DLGAP5: variants seen among roughly 807,000 people sequenced by gnomAD.
DLGAP5 encodes disks large-associated protein 5.
A neutral mutation model predicts 99.6 loss-of-function variants in DLGAP5; 90 were observed. The observed-to-expected ratio is 0.90, with a 90% CI of 0.76 to 1.08. DLGAP5 has a LOEUF of 1.08. Among genes scored for constraint, DLGAP5 ranks in the 50% least tolerant of loss-of-function variants. DLGAP5 has a pLI of 0.00. For synonymous variants in DLGAP5, 311 were observed against 321.3 expected (o/e 0.97, Z 0.34); for missense variants, 1,036 against 983.5 (o/e 1.05, Z -0.71).
intron 7 of DLGAP5, 90 bp from the exon 8 acceptor site, chr14:55,177,426 G>T (rs1474615657): frequency 4.2e-6 from 5 of 1,186,680 alleles, no homozygotes; most frequent in Non-Finnish European, 5.8e-6. Context: ...TATGACAACA[G>T]AAATATATGT....
chr14:55,163,358 C>A (rs1007190246), intron 12 of DLGAP5, among the ~76,000 whole-genome samples: 1 of 152,112 alleles, frequency 6.6e-6, no homozygotes, highest in Non-Finnish European at 1.5e-5. Context: ...AAAAGATATC[C>A]TAAATGTTGT....
rs956789150 is a variant in DLGAP5, at chr14:55,191,471, C to A, written c.-10G>T. ...CTCCAGCACCCACCTACCTGAGCCACCTTCTAGCGTGAAACCTCAACCAAA... is the reference window on the plus strand; with the variant it reads ...CTCCAGCACCCACCTACCTGAGCCAACTTCTAGCGTGAAACCTCAACCAAA... On this transcript the variant is annotated 5_prime_UTR_variant, in exon 1 of 19. Transcript: ENST00000247191. 3 of 153,250 alleles carry A rather than the reference C, an allele frequency of 2.0e-5. No homozygotes were observed. The highest frequency in any genetic ancestry group is 7.2e-5 in the African/African-American group (3 of 41,418). The allele number at this position is 153,250 out of a possible 1,614,324, so 9.5% of individuals were successfully genotyped here.
intron 15 of DLGAP5, among the ~76,000 whole-genome samples, chr14:55,153,782 G>C (rs1039677701): frequency 6.6e-6 from 1 of 152,104 alleles, no homozygotes; most frequent in Non-Finnish European, 1.5e-5. Flanking sequence ...AGTAGGCCGG[G>C]CATGGTGGCT....
chr14:55,190,293 C>T (rs1594688520), intron 1 of DLGAP5, among the ~76,000 whole-genome samples: 1 of 151,416 alleles, frequency 6.6e-6, no homozygotes, highest in Non-Finnish European at 1.5e-5. Context: ...AAGCCATACA[C>T]ACACACACAC....
Position 55,148,239 on chromosome 14 carries a change from CATT to C in DLGAP5, c.*109_*111del. ...CTTTGATGAACACAGAATATTAAAACATTATATGCTATAGAAGTGAACACAAAT... is the reference window on the plus strand; with the variant it reads ...CTTTGATGAACACAGAATATTAAAACATATGCTATAGAAGTGAACACAAAT... On this transcript the variant is annotated 3_prime_UTR_variant, in exon 19 of 19. Coordinates refer to ENST00000247191, the MANE Select transcript of DLGAP5 (RefSeq NM_014750.5). 1.9e-6 allele frequency: 2 copies of C among 1,071,228 alleles called. No homozygotes were observed. The highest frequency in any genetic ancestry group is 2.7e-6 in the Non-Finnish European group (2 of 748,320). 66.4% of individuals were successfully genotyped at this position (1,071,228 alleles called of 1,614,324 possible). A position where few individuals can be genotyped will look rare whatever the true frequency, so the allele number is the denominator to read the frequency against.
chr14:55,169,495 C>G lies in DLGAP5; in HGVS notation c.1452G>C (p.Gln484His). 3 of 1,613,070 alleles carry G rather than the reference C, an allele frequency of 1.9e-6. No homozygotes were observed. The highest frequency in any genetic ancestry group is 2.5e-6 in the Non-Finnish European group (3 of 1,179,684). ...CACAATCATCAACCAGTCCTTCAAACTGTTTAAACCTTTCCTTCATAAGGA... is the reference window on the plus strand; with the variant it reads ...CACAATCATCAACCAGTCCTTCAAAGTGTTTAAACCTTTCCTTCATAAGGA... ...TRLLMKERFK[Q>H]FEGLVDDCEY... Residue 484 changes from glutamine to histidine, a missense_variant, in exon 12 of 19, where the codon CAG becomes CAC. Gln to His is a conservative substitution (Grantham distance 24). Transcript: ENST00000247191.
At position 55,188,952 on chromosome 14, in the gene DLGAP5, A is replaced by C. The variant is rs768297620; in HGVS notation, c.228T>G (p.Asn76Lys). The change falls in exon 2 of 19, where the codon AAT becomes AAG. Residue 76 changes from asparagine to lysine, a missense_variant. Asn to Lys is a moderately conservative substitution (Grantham distance 94). Coordinates refer to ENST00000247191, the MANE Select transcript of DLGAP5 (RefSeq NM_014750.5). ...CAGACCTTTACTTACTTGGCTTAAC[A>C]TTGGTCTTTTCTGGAACAAGCCCTT... ...TSQGLVPEKT[N>K]VKPRAMKTIL... The C allele has an allele frequency of 1.2e-6, 2 of 1,612,614 alleles. No individual in the cohort carries two copies. The highest frequency in any genetic ancestry group is 2.7e-5 in the African/African-American group (2 of 74,744).
intron 10 of DLGAP5, among the ~76,000 whole-genome samples, chr14:55,171,953 G>A (rs1288845814): frequency 6.6e-6 from 1 of 152,124 alleles, no homozygotes. Flanking sequence ...CAGGGGCTAG[G>A]AGGGAATGGC....
At chr14:55,184,087 AG>A (rs1883357722) in intron 2 of DLGAP5, among the ~76,000 whole-genome samples, 1 of 152,008 alleles carries the variant, frequency 6.6e-6, no homozygotes, top group Admixed American at 6.6e-5. Flanking sequence ...CAGGAGATGG[AG>A]GTTGCAGTGA....
At chr14:55,175,851 T>G (rs753092456) in intron 9 of DLGAP5, 43 bp downstream of exon 9, 1 of 1,463,706 alleles carries the variant, frequency 6.8e-7, no homozygotes, top group South Asian at 1.5e-5. Context: ...TTTTTTGTAT[T>G]AACATTATTC....
chr14:55,179,059 A>G (rs1031820271), intron 7 of DLGAP5, among the ~76,000 whole-genome samples: 3 of 152,170 alleles, frequency 2.0e-5, no homozygotes, highest in Non-Finnish European at 4.4e-5. Context: ...AAAATAAAAT[A>G]AAAGAAAATA....
In DLGAP5 at chr14:55,166,729, C is replaced by CA. The variant is rs963487818; in HGVS notation, c.1548+2669dup. Among the ~76,000 whole-genome samples, 91 of 141,898 alleles carry CA rather than the reference C, an allele frequency of 6.4e-4. 1 individual carries two copies. Among genetic ancestry groups the CA allele is most frequent in the South Asian group, 1.3e-3 (6 of 4,508 alleles). The allele number at this position is 141,898 out of a possible 152,430, so 93.1% of individuals were successfully genotyped here. Reference sequence around the variant, plus strand: ...GGGCAACAAGAGTGAAACTCCATCTCAAAAAAAAAAATACATATATATATT... The same window carrying CA: ...GGGCAACAAGAGTGAAACTCCATCTCAAAAAAAAAAAATACATATATATATT... On this transcript the variant is annotated intron_variant, in intron 12 of 18. Transcript: ENST00000247191.
At chr14:55,183,423 G>A (rs1883334098) in intron 3 of DLGAP5, 137 bp downstream of exon 3, 3 of 635,374 alleles carry the variant, frequency 4.7e-6, no homozygotes, top group Non-Finnish European at 2.4e-6. Context: ...TCATTCTTCT[G>A]AGCTACTATT....
chr14:55,180,422 G>A (rs112582730), intron 6 of DLGAP5, among the ~76,000 whole-genome samples: 4 of 152,076 alleles, frequency 2.6e-5, no homozygotes, highest in African/African-American at 9.6e-5. Flanking sequence ...TGATTTACTC[G>A]GACCATTAAT....
chr14:55,150,701 G>A (rs1430334458), intron 18 of DLGAP5, 98 bp downstream of exon 18: 2 of 925,342 alleles, frequency 2.2e-6, no homozygotes, highest in African/African-American at 3.6e-5. Flanking sequence ...ACAATGACAA[G>A]ATATACATTT....
chr14:55,183,545 A>G lies in DLGAP5; in HGVS notation c.432+15T>C, dbSNP rs1883337447. 6.5e-7 allele frequency: 1 copy of G among 1,533,598 alleles called. No homozygotes were observed. Among genetic ancestry groups the G allele is most frequent in the Non-Finnish European group, 8.7e-7 (1 of 1,147,220 alleles). The allele number at this position is 1,533,598 out of a possible 1,614,324, so 95.0% of individuals were successfully genotyped here. ...TAAAAGAAACTATTCCTTTATATTAAGACACTAAATTTACCTTTTTTGGCT... is the reference window on the plus strand; with the variant it reads ...TAAAAGAAACTATTCCTTTATATTAGGACACTAAATTTACCTTTTTTGGCT... On this transcript the variant is annotated intron_variant, in intron 3 of 18. Coordinates refer to ENST00000247191, the MANE Select transcript of DLGAP5 (RefSeq NM_014750.5).
chr14:55,161,408 A>G (rs1289913530), intron 13 of DLGAP5, among the ~76,000 whole-genome samples: 1 of 115,906 alleles, frequency 8.6e-6, no homozygotes, highest in African/African-American at 3.6e-5. Flanking sequence ...TAAAAAAAAA[A>G]TTTTTTTTTT....
chr14:55,148,585 G>A (rs1881903636), intron 18 of DLGAP5, 112 bp from the exon 19 acceptor site: 1 of 1,562,578 alleles, frequency 6.4e-7, no homozygotes, highest in Non-Finnish European at 8.6e-7. Flanking sequence ...CGGGTGCGGT[G>A]GTGCACACCT....
chr14:55,153,820 G>A (rs894570557), intron 15 of DLGAP5, among the ~76,000 whole-genome samples: 1 of 152,132 alleles, frequency 6.6e-6, no homozygotes, highest in African/African-American at 2.4e-5. Flanking sequence ...CACTTTGGGA[G>A]GCCAAGGCTG....
Sources: allele counts gnomAD v4.1 joint callset (sites outside exome capture counted in the v4.1 genomes callset), GRCh38; gene constraint gnomAD v4.1.1; transcripts MANE v1.5; gene names NCBI Gene and HGNC (gene_info 2026-07-23, HGNC 2026-07-21).